Variants in COBL observed in about 807,000 individuals in gnomAD.
COBL encodes the protein protein cordon-bleu.
In COBL, 51 loss-of-function variants were observed where a neutral mutation model predicts 98.8. That is an observed-to-expected ratio of 0.52 (90% CI 0.41 to 0.65). COBL has a LOEUF of 0.65. Among genes scored for constraint, COBL ranks in the 30% least tolerant of loss-of-function variants. The pLI, the probability that COBL is intolerant of heterozygous loss-of-function variation, is 0.00. For missense variants in COBL, 1,617 were observed against 1,617.5 expected, an observed-to-expected ratio of 1.00 and a Z score of 0.01; for synonymous variants, 634 against 651.7, an observed-to-expected ratio of 0.97 and a Z score of 0.41.
chr7:51,194,406 T>C (rs1201363303), intron 2 of COBL, among the ~76,000 whole-genome samples: 1 of 152,194 alleles, frequency 6.6e-6, no homozygotes, highest in African/African-American at 2.4e-5. Context: ...TTGTGAATAG[T>C]GCTGCAATGA....
intron 12 of COBL, among the ~76,000 whole-genome samples, chr7:51,024,310 G>GATAAATAA (rs147422169): frequency 7.3e-5 from 11 of 151,342 alleles, no homozygotes; most frequent in African/African-American, 2.7e-4. Flanking sequence ...CTCCGTCTCA[G>GATAAATAA]ATAAATAAAT....
chr7:51,078,261 A>C (rs1200903041), intron 7 of COBL, among the ~76,000 whole-genome samples: 1 of 152,198 alleles, frequency 6.6e-6, no homozygotes, highest in African/African-American at 2.4e-5. Flanking sequence ...TTTCTGGGAA[A>C]GGTTTCCTTT....
In COBL at chr7:51,193,418, A is replaced by C; in HGVS notation, c.417T>G (p.Pro139=). 1 of 1,614,222 alleles carries C rather than the reference A, an allele frequency of 6.2e-7. No individual in the cohort carries two copies. The change falls in exon 3 of 13, where the codon CCT becomes CCG. Residue 139 remains proline, a synonymous_variant. Coordinates refer to ENST00000265136, the MANE Select transcript of COBL (RefSeq NM_015198.5). ...GGGGACCAGGCTTAACCTTCTCTTC[A>C]GGAACTTTTTCTTTCAGAAACACAG... ...VHTVFLKEKV[P]EEKVKPGPPK... is the part of the protein sequence containing the mutation.
At chr7:51,227,318 T>A (rs973019308) in intron 1 of COBL, among the ~76,000 whole-genome samples, 4 of 152,142 alleles carry the variant, frequency 2.6e-5, no homozygotes, top group African/African-American at 9.7e-5. Flanking sequence ...TGTGTTCAAC[T>A]GCCTCAGGAG....
intron 7 of COBL, among the ~76,000 whole-genome samples, chr7:51,058,554 A>AAACAACAACAACAACAACAAC (rs57660073): frequency 1.0e-4 from 15 of 150,176 alleles, no homozygotes; most frequent in Non-Finnish European, 1.8e-4. Flanking sequence ...CCATGTCTCA[A>AAACAACAACAACAACAACAAC]AACAACAACA....
intron 2 of COBL, among the ~76,000 whole-genome samples, chr7:51,199,542 G>A (rs1790925665): frequency 6.6e-6 from 1 of 152,132 alleles, no homozygotes; most frequent in Admixed American, 6.5e-5. Flanking sequence ...AGCTCAATGA[G>A]CTTCAGGAGA....
intron 8 of COBL, chr7:51,033,000 C>G (rs962533711): frequency 5.3e-5 from 8 of 151,996 alleles, no homozygotes; most frequent in African/African-American, 1.9e-4. Context: ...AAAGTATTTG[C>G]CTTTATTTTA....
At chr7:51,259,620 C>G (rs983353595) in intron 1 of COBL, 1 of 729,972 alleles carries the variant, frequency 1.4e-6, no homozygotes. Flanking sequence ...GTCTTCCAAG[C>G]AAATGACACC....
At chr7:51,214,419 C>T (rs377210835) in intron 2 of COBL, among the ~76,000 whole-genome samples, 4 of 152,122 alleles carry the variant, frequency 2.6e-5, no homozygotes, top group Admixed American at 2.6e-4. Context: ...GGATGTGTTA[C>T]CTGGACAGGT....
intron 6 of COBL, among the ~76,000 whole-genome samples, chr7:51,090,110 C>T (rs1237712391): frequency 2.0e-5 from 3 of 152,092 alleles, no homozygotes; most frequent in Non-Finnish European, 4.4e-5. Flanking sequence ...CTCAGGTATA[C>T]AACACATAAA....
chr7:51,125,091 G>A (rs1220922696), intron 6 of COBL, among the ~76,000 whole-genome samples: 1 of 152,198 alleles, frequency 6.6e-6, no homozygotes, highest in African/African-American at 2.4e-5. Flanking sequence ...GGGATTACAG[G>A]CGTGAGCCAC....
At chr7:51,313,658 T>C (rs554459598) in intron 1 of COBL, among the ~76,000 whole-genome samples, 29 of 152,342 alleles carry the variant, frequency 1.9e-4, no homozygotes, top group African/African-American at 6.7e-4. Flanking sequence ...AAATTAAGCA[T>C]GGTCCTGCCA....
intron 5 of COBL, among the ~76,000 whole-genome samples, chr7:51,142,872 T>G (rs1414079694): frequency 6.6e-6 from 1 of 151,938 alleles, no homozygotes; most frequent in East Asian, 1.9e-4. Context: ...AGCCCCGGGG[T>G]GCTTCAAAGA....
At chr7:51,045,545 T>G (rs1789607643) in intron 7 of COBL, among the ~76,000 whole-genome samples, 1 of 152,184 alleles carries the variant, frequency 6.6e-6, no homozygotes, top group Non-Finnish European at 1.5e-5. Flanking sequence ...AATGCTGGTT[T>G]AGCCTGGCTT....
At chr7:51,202,018 C>T (rs1370556358) in intron 2 of COBL, among the ~76,000 whole-genome samples, 3 of 152,216 alleles carry the variant, frequency 2.0e-5, no homozygotes, top group Non-Finnish European at 4.4e-5. Flanking sequence ...TACCCACCTA[C>T]TAGTCACTTC....
chr7:51,172,282 A>T (rs1040087841), intron 5 of COBL, among the ~76,000 whole-genome samples: 1 of 152,260 alleles, frequency 6.6e-6, no homozygotes, highest in Admixed American at 6.5e-5. Context: ...CACGTATTCC[A>T]AAAGTAGCAT....
chr7:51,042,329 A>G (rs1789279736), intron 8 of COBL, among the ~76,000 whole-genome samples: 1 of 152,226 alleles, frequency 6.6e-6, no homozygotes, highest in Non-Finnish European at 1.5e-5. Flanking sequence ...AGAATTTAAT[A>G]ATCAAAAAAA....
At chr7:51,191,707 A>C (rs1790135404) in intron 3 of COBL, among the ~76,000 whole-genome samples, 1 of 152,182 alleles carries the variant, frequency 6.6e-6, no homozygotes, top group Non-Finnish European at 1.5e-5. Flanking sequence ...CATATATAAT[A>C]ATCAGGAAGA....
At chr7:51,129,455 C>T (rs1798534276) in intron 6 of COBL, among the ~76,000 whole-genome samples, 1 of 151,896 alleles carries the variant, frequency 6.6e-6, no homozygotes, top group African/African-American at 2.4e-5. Context: ...TTGGAGGACG[C>T]CAACATTTAG....
Sources: gnomAD v4.1 joint callset for allele counts (sites outside exome capture counted in the v4.1 genomes callset) on GRCh38, gnomAD v4.1.1 for gene constraint, MANE v1.5 for transcripts, NCBI Gene and HGNC (gene_info 2026-07-23, HGNC 2026-07-21) for gene names.